The following NRG1 variants were observed in gnomAD, a reference collection of about 807,000 sequenced individuals.
NRG1 encodes the protein neuregulin 1, also known as pro-neuregulin-1, membrane-bound isoform.
Under a neutral mutation model 63.8 loss-of-function variants are expected in NRG1, and 18 were observed. That is an observed-to-expected ratio of 0.28 (90% CI 0.19 to 0.42). The LOEUF (loss-of-function observed/expected upper bound fraction) is 0.42. Ranked by LOEUF, NRG1 falls within the 10% of genes least tolerant of loss-of-function variation. The pLI is 1.00. For synonymous variants in NRG1, 302 were observed against 301.3 expected (o/e 1.00, Z -0.02); for missense variants, 762 against 814.7 (o/e 0.94, Z 0.79).
At chr8:31,808,694 A>G (rs1822539195) in intron 1 of NRG1, among the ~76,000 whole-genome samples, 1 of 152,092 alleles carries the variant, frequency 6.6e-6, no homozygotes, top group Non-Finnish European at 1.5e-5. Flanking sequence ...CTAGACTTAT[A>G]AATCAGTACT....
At chr8:31,808,564 C>A (rs1822525862) in intron 1 of NRG1, among the ~76,000 whole-genome samples, 1 of 151,778 alleles carries the variant, frequency 6.6e-6, no homozygotes, top group Non-Finnish European at 1.5e-5. Flanking sequence ...GTTTTTTGTG[C>A]TGTTCTTCTT....
At chr8:32,550,154 A>G (rs915964093) in intron 1 of NRG1, among the ~76,000 whole-genome samples, 1 of 152,134 alleles carries the variant, frequency 6.6e-6, no homozygotes, top group African/African-American at 2.4e-5. Flanking sequence ...TTGTTTCACC[A>G]CTGGCCATTC....
At chr8:32,421,594 T>TAC (rs1816705200) in intron 1 of NRG1, among the ~76,000 whole-genome samples, 2 of 152,226 alleles carry the variant, frequency 1.3e-5, no homozygotes, top group Non-Finnish European at 2.9e-5. Flanking sequence ...GTGTGATGAT[T>TAC]AACAAGCTAT....
At chr8:32,312,150 C>CTTTT (rs1563301557) in intron 1 of NRG1, among the ~76,000 whole-genome samples, 9 of 127,260 alleles carry the variant, frequency 7.1e-5, no homozygotes, top group South Asian at 2.7e-4. Context: ...ATTATTTGAC[C>CTTTT]TTGTTTGTTT....
At chr8:32,609,645 GTCTC>G (rs1240468161) in intron 3 of NRG1, among the ~76,000 whole-genome samples, 1 of 80,886 alleles carries the variant, frequency 1.2e-5, no homozygotes, top group Non-Finnish European at 2.3e-5. Flanking sequence ...CCCTCTGTCT[GTCTC>G]TCTCTCTCTT....
intron 4 of NRG1, among the ~76,000 whole-genome samples, chr8:32,615,067 G>T (rs1461290545): frequency 6.6e-6 from 1 of 151,894 alleles, no homozygotes. Context: ...AAATGCTGTT[G>T]TCTTTGTTTT....
At chr8:32,309,312 C>T (rs1333529084) in intron 1 of NRG1, among the ~76,000 whole-genome samples, 3 of 152,122 alleles carry the variant, frequency 2.0e-5, no homozygotes, top group Non-Finnish European at 2.9e-5. Context: ...TGTGGTTTTA[C>T]ACCCCCCCAC....
chr8:31,866,681 T>G (rs1383727935), intron 1 of NRG1, among the ~76,000 whole-genome samples: 1 of 152,166 alleles, frequency 6.6e-6, no homozygotes, highest in Non-Finnish European at 1.5e-5. Context: ...TTAATACAGT[T>G]CTTGTTCTTA....
chr8:32,411,131 C>A (rs1006093579), intron 1 of NRG1, among the ~76,000 whole-genome samples: 4 of 152,134 alleles, frequency 2.6e-5, no homozygotes, highest in Non-Finnish European at 5.9e-5. Context: ...ACCTCAGCCC[C>A]CCAAAGTGCT....
chr8:32,740,990 C>G (rs1482020074), intron 6 of NRG1, among the ~76,000 whole-genome samples: 2 of 152,062 alleles, frequency 1.3e-5, no homozygotes, highest in East Asian at 3.9e-4. Flanking sequence ...GTTGAGGATT[C>G]AAAATGATGG....
At chr8:32,050,350 T>G (rs1162279905) in intron 1 of NRG1, among the ~76,000 whole-genome samples, 2 of 152,186 alleles carry the variant, frequency 1.3e-5, no homozygotes, top group African/African-American at 4.8e-5. Context: ...ATTGTTTTAT[T>G]GTTCCTTGGG....
intron 1 of NRG1, among the ~76,000 whole-genome samples, chr8:32,398,963 C>T (rs1812809478): frequency 6.6e-6 from 1 of 151,996 alleles, no homozygotes; most frequent in African/African-American, 2.4e-5. Context: ...ATCATAGAAA[C>T]CTTTTTGTTT....
intron 1 of NRG1, among the ~76,000 whole-genome samples, chr8:32,439,726 C>T (rs531451039): frequency 9.3e-5 from 14 of 151,190 alleles, no homozygotes; most frequent in Non-Finnish European, 1.6e-4. Context: ...TTGAATCTAC[C>T]CTAGAGCAAA....
chr8:32,726,716 G>T lies in NRG1; in HGVS notation c.503-1233G>T, dbSNP rs112290782. Among the ~76,000 whole-genome samples the T allele has an allele frequency of 3.3e-5, 5 of 152,198 alleles. No homozygotes were observed. In the East Asian group the frequency reaches 9.7e-4, roughly 29 times the overall value. ...GTGTCACAACAAAATGTAGACTTTC[G>T]AAGGAAATGAACAGGAAAGGCAGAA... On this transcript the variant is annotated intron_variant, in intron 5 of 11. Coordinates refer to ENST00000356819, the Ensembl canonical transcript of NRG1.
intron 5 of NRG1, among the ~76,000 whole-genome samples, chr8:32,688,911 A>C (rs1203916552): frequency 1.3e-5 from 2 of 152,100 alleles, no homozygotes; most frequent in African/African-American, 4.8e-5. Context: ...ATTACTTTGA[A>C]TTGCATTTGT....
chr8:31,986,103 T>G (rs1361705627), intron 1 of NRG1, among the ~76,000 whole-genome samples: 3 of 152,146 alleles, frequency 2.0e-5, no homozygotes, highest in African/African-American at 7.2e-5. Flanking sequence ...CCCTTGCTTG[T>G]GTCATAGGAC....
chr8:32,039,614 A>G (rs1287601026), intron 1 of NRG1, among the ~76,000 whole-genome samples: 1 of 152,242 alleles, frequency 6.6e-6, no homozygotes, highest in Non-Finnish European at 1.5e-5. Context: ...GGGGCTTGTC[A>G]GAAATTAAAC....
chr8:32,092,610 TA>T (rs1829345087), intron 1 of NRG1, among the ~76,000 whole-genome samples: 1 of 152,130 alleles, frequency 6.6e-6, no homozygotes, highest in African/African-American at 2.4e-5. Context: ...TGGTGGACTC[TA>T]TAAAGAAGCC....
chr8:32,056,349 C>T (rs1421673753), intron 1 of NRG1, among the ~76,000 whole-genome samples: 1 of 152,176 alleles, frequency 6.6e-6, no homozygotes, highest in South Asian at 2.1e-4. Flanking sequence ...TTTAGTCAAA[C>T]AATACTGCTT....
Sources: gnomAD v4.1 joint callset for allele counts (sites outside exome capture counted in the v4.1 genomes callset) on GRCh38, gnomAD v4.1.1 for gene constraint, MANE v1.5 for transcripts, NCBI Gene and HGNC (gene_info 2026-07-23, HGNC 2026-07-21) for gene names.